CLSTN2: variants seen among roughly 807,000 people sequenced by gnomAD.
CLSTN2 encodes calsyntenin 2.
CLSTN2 carries 48 observed loss-of-function variants against 101.2 expected under a neutral mutation model. That is an observed-to-expected ratio of 0.47 (90% CI 0.38 to 0.60). The LOEUF is 0.60. Ranked by LOEUF, CLSTN2 falls within the 20% of genes least tolerant of loss-of-function variation. The probability of loss-of-function intolerance (pLI) is 0.00; values close to 1 mark genes in which losing one functional copy is unlikely to be tolerated. For missense variants in CLSTN2, 1,160 were observed against 1,238.2 expected (o/e 0.94, Z 0.95); for synonymous variants, 481 against 463.6 (o/e 1.04, Z -0.48).
At chr3:140,234,570 A>G (rs1286697396) in intron 2 of CLSTN2, among the ~76,000 whole-genome samples, 3 of 152,098 alleles carry the variant, frequency 2.0e-5, no homozygotes, top group Non-Finnish European at 4.4e-5. Flanking sequence ...TGCTTAATAT[A>G]TTTCAGCTGT....
intron 1 of CLSTN2, among the ~76,000 whole-genome samples, chr3:140,136,530 C>T (rs1386268902): frequency 6.6e-6 from 1 of 152,164 alleles, no homozygotes; most frequent in Admixed American, 6.5e-5. Flanking sequence ...GTAATGTTCC[C>T]TGATTTTAAT....
In CLSTN2 at chr3:140,562,822, A is replaced by G. The variant is rs1438352539; in HGVS notation, c.2224A>G (p.Met742Val). The change falls in exon 14 of 17, where the codon ATG (methionine) becomes GTG (valine). Residue 742 changes from methionine to valine, a missense_variant. Met to Val is a conservative substitution (Grantham distance 21). Coordinates refer to ENST00000458420, the MANE Select transcript of CLSTN2 (RefSeq NM_022131.3). ...AGYSIYGVGS[M>V]SRYEQVLHHI... ...GTCTCTTGGCACAGGTGTGGGCTCCATGAGCCGCTATGAGCAGGTGCTACA... is the reference window on the plus strand; with the variant it reads ...GTCTCTTGGCACAGGTGTGGGCTCCGTGAGCCGCTATGAGCAGGTGCTACA... The G allele has an allele frequency of 2.5e-6, 4 of 1,613,898 alleles. No homozygotes were observed. The African/African-American group carries it at 5.3e-5, about 22-fold the overall frequency.
intron 2 of CLSTN2, among the ~76,000 whole-genome samples, chr3:140,223,375 G>A (rs2086292087): frequency 6.6e-6 from 1 of 152,206 alleles, no homozygotes; most frequent in Non-Finnish European, 1.5e-5. Flanking sequence ...GGCTTGCAAA[G>A]CAAAGCAGCC....
chr3:140,226,994 T>G (rs961484496), intron 2 of CLSTN2, among the ~76,000 whole-genome samples: 3 of 152,116 alleles, frequency 2.0e-5, no homozygotes, highest in African/African-American at 7.2e-5. Context: ...GAGATTTGGG[T>G]GGGGACACAA....
chr3:140,233,637 T>G (rs889635786), intron 2 of CLSTN2, among the ~76,000 whole-genome samples: 1 of 152,188 alleles, frequency 6.6e-6, no homozygotes, highest in South Asian at 2.1e-4. Flanking sequence ...GGCCAAGTTT[T>G]CCCTGCCATA....
chr3:140,208,831 G>T (rs562237646), intron 2 of CLSTN2, among the ~76,000 whole-genome samples: 1 of 152,168 alleles, frequency 6.6e-6, no homozygotes, highest in Non-Finnish European at 1.5e-5. Context: ...TACTCAGGGG[G>T]TAGTTGGGAG....
chr3:140,555,926 C>A (rs568539180), intron 10 of CLSTN2, among the ~76,000 whole-genome samples: 5 of 152,118 alleles, frequency 3.3e-5, no homozygotes, highest in South Asian at 2.1e-4. Flanking sequence ...GGGCTGCTGG[C>A]AGATGTGTAA....
chr3:140,485,977 C>T (rs1189138889), intron 8 of CLSTN2, among the ~76,000 whole-genome samples: 1 of 152,002 alleles, frequency 6.6e-6, no homozygotes, highest in Admixed American at 6.5e-5. Context: ...GACAACCCCC[C>T]AGTGAGATGA....
chr3:140,065,438 T>C (rs866837577), intron 1 of CLSTN2, among the ~76,000 whole-genome samples: 7 of 152,204 alleles, frequency 4.6e-5, no homozygotes, highest in South Asian at 2.1e-4. Flanking sequence ...AATGCAATTT[T>C]AACAGTAACT....
At chr3:140,437,136 C>T (rs2088696506) in intron 5 of CLSTN2, among the ~76,000 whole-genome samples, 1 of 151,172 alleles carries the variant, frequency 6.6e-6, no homozygotes, top group Admixed American at 6.6e-5. Flanking sequence ...GCAAGGTCTG[C>T]CTCCCAGGTT....
intron 2 of CLSTN2, among the ~76,000 whole-genome samples, chr3:140,402,688 T>A (rs2088256290): frequency 6.6e-6 from 1 of 152,206 alleles, no homozygotes; most frequent in Non-Finnish European, 1.5e-5. Context: ...GCAGTGCAGC[T>A]GAAGCATTGT....
intron 1 of CLSTN2, among the ~76,000 whole-genome samples, chr3:140,156,523 G>A (rs562873751): frequency 6.6e-5 from 10 of 152,326 alleles, no homozygotes; most frequent in Admixed American, 2.0e-4. Flanking sequence ...CTCACAGACT[G>A]CAACTTCAGG....
At chr3:140,084,553 A>G (rs2008649722) in intron 1 of CLSTN2, among the ~76,000 whole-genome samples, 1 of 152,200 alleles carries the variant, frequency 6.6e-6, no homozygotes, top group South Asian at 2.1e-4. Context: ...ATCAGAAACC[A>G]AGTCTACAGA....
chr3:140,078,036 C>T (rs1018936118), intron 1 of CLSTN2, among the ~76,000 whole-genome samples: 3 of 152,240 alleles, frequency 2.0e-5, no homozygotes, highest in Admixed American at 1.3e-4. Flanking sequence ...TTTTGGGTAA[C>T]ACGGTGGATG....
At chr3:140,532,242 T>C in intron 8 of CLSTN2, 82 bp from the exon 9 acceptor site, 2 of 1,187,658 alleles carry the variant, frequency 1.7e-6, no homozygotes, top group South Asian at 1.8e-5. Context: ...AAATGTGTTG[T>C]TCTCCTTTCA....
intron 1 of CLSTN2, among the ~76,000 whole-genome samples, chr3:139,946,884 G>A (rs1284043161): frequency 6.6e-6 from 1 of 152,228 alleles, no homozygotes; most frequent in Admixed American, 6.5e-5. Context: ...AGAAGAAAAG[G>A]ATGGAAGCAG....
At chr3:140,221,245 C>A (rs1461880739) in intron 2 of CLSTN2, among the ~76,000 whole-genome samples, 1 of 152,096 alleles carries the variant, frequency 6.6e-6, no homozygotes, top group Non-Finnish European at 1.5e-5. Context: ...AAGTGTTTTT[C>A]TAAGTTTAAT....
intron 1 of CLSTN2, among the ~76,000 whole-genome samples, chr3:139,966,966 G>T (rs944084466): frequency 3.9e-5 from 6 of 152,188 alleles, no homozygotes; most frequent in Non-Finnish European, 8.8e-5. Context: ...GGGGACACTG[G>T]AGTGCAAATC....
intron 2 of CLSTN2, among the ~76,000 whole-genome samples, chr3:140,219,127 C>T (rs146874833): frequency 2.7e-3 from 407 of 151,978 alleles, no homozygotes; most frequent in African/African-American, 8.8e-3. Context: ...ACAAAAGGCT[C>T]GAACTGCAGG....
Sources: allele counts gnomAD v4.1 joint callset (sites outside exome capture counted in the v4.1 genomes callset), GRCh38; gene constraint gnomAD v4.1.1; transcripts MANE v1.5; gene names NCBI Gene and HGNC (gene_info 2026-07-23, HGNC 2026-07-21).